The following RPS25 variants were observed in gnomAD, a reference collection of about 807,000 sequenced individuals.
The protein encoded by RPS25 is small ribosomal subunit protein eS25.
A neutral mutation model predicts 14.4 loss-of-function variants in RPS25; 1 was observed. That is an observed-to-expected ratio of 0.07 (90% CI 0.02 to 0.33). The LOEUF (loss-of-function observed/expected upper bound fraction) is 0.33. RPS25 is among the 10% of genes least tolerant of loss of function. The pLI is 1.00. For synonymous variants in RPS25, 63 were observed against 53.8 expected, an observed-to-expected ratio of 1.17 and a Z score of -0.75; for missense variants, 65 against 144.6, an observed-to-expected ratio of 0.45 and a Z score of 2.82.
At chr11:119,018,221 G>A in intron 1 of RPS25, 61 bp downstream of exon 1, 1 of 1,612,410 alleles carries the variant, frequency 6.2e-7, no homozygotes, top group East Asian at 2.2e-5. Context: ...CCCGCCGAAG[G>A]CTCTCCCCAC....
intron 1 of RPS25, 21 bp from the exon 2 acceptor site, chr11:119,018,074 T>C (rs1462351470): frequency 3.1e-6 from 5 of 1,608,820 alleles, no homozygotes; most frequent in Non-Finnish European, 4.2e-6. Flanking sequence ...GCAGCGGGAA[T>C]GCAACCAGGT....
chr11:119,016,059 G>T (rs567886707), intron 3 of RPS25, 120 bp from the exon 4 acceptor site: 2 of 629,974 alleles, frequency 3.2e-6, no homozygotes, highest in South Asian at 1.9e-5. Flanking sequence ...AGGTGGAGAC[G>T]GGCAGATAGC....
At chr11:119,017,884 T>C (rs1326816383) in intron 2 of RPS25, 74 bp downstream of exon 2, 14 of 1,198,552 alleles carry the variant, frequency 1.2e-5, no homozygotes, top group Non-Finnish European at 1.7e-5. Flanking sequence ...AACCACTTAC[T>C]ATACAAGTTA....
At position 119,018,304 on chromosome 11, in the gene RPS25, C is replaced by T. The variant is rs782728511; in HGVS notation, c.-20G>A. On this transcript the variant is annotated 5_prime_UTR_variant, in exon 1 of 5. Transcript: ENST00000527673. ...TACCATTGCGAAGCTCGGAGAATAG[C>T]AGCAGACACCGCAGCCTCGTCAAGA... is the stretch of plus-strand genomic sequence containing the variant. 1.9e-6 allele frequency: 3 copies of T among 1,614,168 alleles called. No homozygotes were observed. The highest frequency in any genetic ancestry group is 4.5e-5 in the East Asian group (2 of 44,892).
chr11:119,016,519 T>C (rs1389571894), intron 3 of RPS25, among the ~76,000 whole-genome samples: 8 of 152,108 alleles, frequency 5.3e-5, no homozygotes, highest in Non-Finnish European at 1.5e-5. Flanking sequence ...AATACAAGGG[T>C]ACCACTGCAC....
chr11:119,017,219 G>C (rs1000730956), intron 3 of RPS25, 143 bp downstream of exon 3: 1 of 597,494 alleles, frequency 1.7e-6, no homozygotes, highest in African/African-American at 1.9e-5. Context: ...GGAGTAAGAC[G>C]TCAGAATTAC....
intron 3 of RPS25, among the ~76,000 whole-genome samples, chr11:119,016,416 CAA>C (rs1460792536): frequency 3.3e-5 from 5 of 152,116 alleles, no homozygotes; most frequent in South Asian, 2.1e-4. Flanking sequence ...AAAAGGAAAA[CAA>C]AAAGACAGAG....
Position 119,018,030 on chromosome 11 carries a change from C to T in RPS25, c.27G>A (p.Lys9=). 1.9e-6 allele frequency: 3 copies of T among 1,612,340 alleles called. No homozygotes were observed. The South Asian group carries it at 3.3e-5, about 18-fold the overall frequency. The change falls in exon 2 of 5, where the codon AAG becomes AAA. Residue 9 remains lysine, a synonymous_variant. Transcript: ENST00000527673. The part of the protein sequence containing the change: MPPKDDKK[K]KDAGKSAKKD... The stretch of plus-strand genomic sequence containing the variant: ...TCTTGGCCGACTTTCCAGCGTCCTT[C>T]TTCTTCTTGTCGTCCTTAGGCGGCT...
At chr11:119,018,179 C>T in intron 1 of RPS25, 103 bp downstream of exon 1, 1 of 1,594,804 alleles carries the variant, frequency 6.3e-7, no homozygotes. Context: ...CGCGCCCGCC[C>T]TGCAACCGAG....
intron 3 of RPS25, 115 bp downstream of exon 3, chr11:119,017,247 G>A (rs2134590296): frequency 3.9e-6 from 3 of 765,534 alleles, no homozygotes; most frequent in Admixed American, 3.2e-5. Context: ...ACAGCCAATG[G>A]TCAAGCCACG....
chr11:119,017,469 C>G lies in RPS25; in HGVS notation c.176G>C (p.Cys59Ser). ...LFDKATYDKL[C>S]KEVPNYKLIT... The stretch of plus-strand genomic sequence containing the variant: ...AAGTTTATAGTTGGGAACTTCCTTA[C>G]AGAGTTTATCATAGGTAGCTTTGTC... Residue 59 changes from cysteine to serine, a missense_variant, in exon 3 of 5, where the codon TGT (cysteine) becomes TCT (serine). By Grantham distance (112) the Cys-to-Ser change is moderately radical. Coordinates refer to ENST00000527673, the MANE Select transcript of RPS25 (RefSeq NM_001028.3). 6.2e-7 allele frequency: 1 copy of G among 1,614,134 alleles called. No homozygotes were observed. The highest frequency in any genetic ancestry group is 8.5e-7 in the Non-Finnish European group (1 of 1,179,980).
At position 119,015,941 on chromosome 11, in the gene RPS25, TA is replaced by T; in HGVS notation, c.284-3del. 1 of 1,571,240 alleles carries T rather than the reference TA, an allele frequency of 6.4e-7. No homozygotes were observed. On this transcript the variant is annotated splice_polypyrimidine_tract_variant and splice_region_variant and intron_variant, in intron 3 of 4. Coordinates refer to ENST00000527673, the MANE Select transcript of RPS25 (RefSeq NM_001028.3). ...GCTTTGAAACCAGTTTGATAAGTCC[TA>T]GGGGGAGAGAATAGCACGATGAGAT...
chr11:119,018,125 C>G (rs997730054), intron 1 of RPS25, 72 bp from the exon 2 acceptor site: 1 of 1,555,638 alleles, frequency 6.4e-7, no homozygotes, highest in Non-Finnish European at 8.9e-7. Flanking sequence ...GCGCCCTCAG[C>G]CCCCGCAAAC....
Position 119,018,058 on chromosome 11 carries a change from A to G in RPS25, c.4-5T>C, listed in dbSNP as rs879046015. Reference sequence around the variant, plus strand: ...CTTCTTGTCGTCCTTAGGCGGCTGTAGGAGGGCAGCGGGAATGCAACCAGG... The same window carrying G: ...CTTCTTGTCGTCCTTAGGCGGCTGTGGGAGGGCAGCGGGAATGCAACCAGG... On this transcript the variant is annotated splice_polypyrimidine_tract_variant and splice_region_variant and intron_variant, in intron 1 of 4. Transcript: ENST00000527673. The G allele has an allele frequency of 6.2e-7, 1 of 1,612,116 alleles. No homozygotes were observed. The highest frequency in any genetic ancestry group is 8.5e-7 in the Non-Finnish European group (1 of 1,179,890).
At chr11:119,017,797 A>C in intron 2 of RPS25, 161 bp downstream of exon 2, 1 of 691,332 alleles carries the variant, frequency 1.4e-6, no homozygotes. Context: ...CATTTTCATG[A>C]TCCTAATGGG....
At chr11:119,016,900 A>T (rs1042134845) in intron 3 of RPS25, among the ~76,000 whole-genome samples, 5 of 152,084 alleles carry the variant, frequency 3.3e-5, no homozygotes, top group Admixed American at 6.5e-5. Flanking sequence ...AGAATTATAG[A>T]CGTTCAGTCA....
intron 3 of RPS25, 44 bp from the exon 4 acceptor site, chr11:119,015,983 C>A (rs782445189): frequency 2.5e-6 from 3 of 1,221,670 alleles, no homozygotes; most frequent in Non-Finnish European, 3.6e-6. Flanking sequence ...ACAGATGCTA[C>A]AATAGAAACT....
Position 119,018,269 on chromosome 11 carries a change from C to T in RPS25, c.3+13G>A, listed in dbSNP as rs782241565. 14 of 1,614,034 alleles carry T rather than the reference C, an allele frequency of 8.7e-6. No homozygotes were observed. The highest frequency in any genetic ancestry group is 7.7e-5 in the South Asian group (7 of 91,090). On this transcript the variant is annotated intron_variant, in intron 1 of 4. Transcript: ENST00000527673. The stretch of plus-strand genomic sequence containing the variant: ...CCCAAGAACGCCGGCGACTTCACAC[C>T]CCTGAAGCTTACCATTGCGAAGCTC...
chr11:119,015,803 C>T, intron 4 of RPS25, 38 bp downstream of exon 4: 1 of 1,403,154 alleles, frequency 7.1e-7, no homozygotes, highest in South Asian at 1.2e-5. Flanking sequence ...AGCTTTGTAT[C>T]TACCTCCTAC....
Sources: allele counts gnomAD v4.1 joint callset (sites outside exome capture counted in the v4.1 genomes callset), GRCh38; gene constraint gnomAD v4.1.1; transcripts MANE v1.5; gene names NCBI Gene and HGNC (gene_info 2026-07-23, HGNC 2026-07-21).